UNC5D: variants seen among roughly 807,000 people sequenced by gnomAD.
The protein encoded by UNC5D is unc-5 netrin receptor D.
A neutral mutation model predicts 105.4 loss-of-function variants in UNC5D; 39 were observed. The observed-to-expected ratio is 0.37, with a 90% CI of 0.29 to 0.48. UNC5D has a LOEUF of 0.48. Among genes scored for constraint, UNC5D ranks in the 20% least tolerant of loss-of-function variants. The probability of loss-of-function intolerance (pLI) is 0.98; values close to 1 mark genes in which losing one functional copy is unlikely to be tolerated. For missense variants in UNC5D, 991 were observed against 1,202.4 expected, an observed-to-expected ratio of 0.82 and a Z score of 2.60; for synonymous variants, 452 against 450.4, an observed-to-expected ratio of 1.00 and a Z score of -0.04.
chr8:35,242,914 T>C (rs1243246738), intron 1 of UNC5D, among the ~76,000 whole-genome samples: 1 of 152,220 alleles, frequency 6.6e-6, no homozygotes, highest in Non-Finnish European at 1.5e-5. Flanking sequence ...TTAACATCTT[T>C]ATTTTAATTT....
intron 1 of UNC5D, among the ~76,000 whole-genome samples, chr8:35,442,885 T>TCTC (rs1807511188): frequency 1.5e-5 from 2 of 135,574 alleles, no homozygotes; most frequent in Non-Finnish European, 3.2e-5. Context: ...CTCTCTCTGT[T>TCTC]TCTCTCTCTC....
intron 10 of UNC5D, chr8:35,727,767 A>G (rs749560670): frequency 2.4e-4 from 37 of 152,148 alleles, no homozygotes; most frequent in Admixed American, 1.2e-3. Flanking sequence ...TATGCGTGTC[A>G]ATGTGTGAAT....
At chr8:35,463,387 T>C (rs1024228945) in intron 1 of UNC5D, among the ~76,000 whole-genome samples, 5 of 152,230 alleles carry the variant, frequency 3.3e-5, no homozygotes, top group African/African-American at 1.2e-4. Flanking sequence ...TCAAACTGGG[T>C]AGGGATTACG....
At chr8:35,618,054 T>A (rs1821137521) in intron 4 of UNC5D, among the ~76,000 whole-genome samples, 1 of 152,208 alleles carries the variant, frequency 6.6e-6, no homozygotes, top group Non-Finnish European at 1.5e-5. Context: ...AGTGTCAGGC[T>A]GACGATTCAT....
chr8:35,520,494 G>A (rs1465164388), intron 1 of UNC5D, among the ~76,000 whole-genome samples: 1 of 152,138 alleles, frequency 6.6e-6, no homozygotes, highest in Non-Finnish European at 1.5e-5. Flanking sequence ...GGTGGTAGTT[G>A]TACAGCTCTG....
At chr8:35,676,706 A>G (rs934749313) in intron 4 of UNC5D, among the ~76,000 whole-genome samples, 2 of 152,212 alleles carry the variant, frequency 1.3e-5, no homozygotes, top group Admixed American at 6.5e-5. Context: ...TCCACGAGAA[A>G]GCCATGAGAG....
chr8:35,423,159 G>T (rs138884370), intron 1 of UNC5D, among the ~76,000 whole-genome samples: 1 of 152,220 alleles, frequency 6.6e-6, no homozygotes, highest in East Asian at 1.9e-4. Context: ...TGGAGAACAG[G>T]TCTTATAGTT....
chr8:35,625,351 T>C (rs1178143246), intron 4 of UNC5D, among the ~76,000 whole-genome samples: 1 of 152,242 alleles, frequency 6.6e-6, no homozygotes, highest in Admixed American at 6.5e-5. Context: ...TAAACTCTGA[T>C]GGTTTATTTA....
intron 1 of UNC5D, among the ~76,000 whole-genome samples, chr8:35,299,220 G>A (rs1807734801): frequency 6.6e-6 from 1 of 152,216 alleles, no homozygotes; most frequent in Non-Finnish European, 1.5e-5. Context: ...TGATGGGTGG[G>A]AGTGTGGAAT....
At chr8:35,753,228 C>T (rs1018841397) in intron 13 of UNC5D, among the ~76,000 whole-genome samples, 1 of 152,114 alleles carries the variant, frequency 6.6e-6, no homozygotes, top group African/African-American at 2.4e-5. Context: ...GTTATTCTCC[C>T]TCTAATTGAA....
At chr8:35,671,798 T>C (rs1824827235) in intron 4 of UNC5D, among the ~76,000 whole-genome samples, 1 of 151,910 alleles carries the variant, frequency 6.6e-6, no homozygotes, top group Admixed American at 6.6e-5. Flanking sequence ...AAGTGTAGAG[T>C]CTTTTTGGTT....
intron 1 of UNC5D, among the ~76,000 whole-genome samples, chr8:35,389,144 C>A (rs1803613963): frequency 6.6e-6 from 1 of 152,178 alleles, no homozygotes; most frequent in Non-Finnish European, 1.5e-5. Flanking sequence ...TGTATCACAA[C>A]CACTTGTGGA....
At chr8:35,249,346 T>C (rs981924144) in intron 1 of UNC5D, among the ~76,000 whole-genome samples, 1 of 149,008 alleles carries the variant, frequency 6.7e-6, no homozygotes, top group Non-Finnish European at 1.5e-5. Flanking sequence ...TCACCTGAGG[T>C]CAAGAGTTCG....
chr8:35,299,047 C>T (rs1807720250), intron 1 of UNC5D, among the ~76,000 whole-genome samples: 1 of 152,116 alleles, frequency 6.6e-6, no homozygotes, highest in Admixed American at 6.6e-5. Context: ...TCAGATATGC[C>T]TGGTGCTGAT....
chr8:35,341,439 GT>G (rs375457184), intron 1 of UNC5D, among the ~76,000 whole-genome samples: 157 of 139,136 alleles, frequency 1.1e-3, no homozygotes, highest in Middle Eastern at 3.8e-3. Flanking sequence ...GAAGGAGCTT[GT>G]TTTTTTTTTT....
intron 7 of UNC5D, among the ~76,000 whole-genome samples, chr8:35,692,539 G>A (rs1004259146): frequency 6.6e-6 from 1 of 152,118 alleles, no homozygotes; most frequent in African/African-American, 2.4e-5. Context: ...GGATTATAAT[G>A]GATGAGTGTC....
At chr8:35,753,039 G>A (rs1230666218) in intron 13 of UNC5D, among the ~76,000 whole-genome samples, 1 of 152,152 alleles carries the variant, frequency 6.6e-6, no homozygotes, top group Admixed American at 6.5e-5. Context: ...TAAAGAGCTT[G>A]TTCTCAGTGA....
chr8:35,335,678 T>C (rs1008431993), intron 1 of UNC5D, among the ~76,000 whole-genome samples: 2 of 151,914 alleles, frequency 1.3e-5, no homozygotes, highest in Admixed American at 1.3e-4. Flanking sequence ...TAACATGAGA[T>C]GTGAATAATC....
At chr8:35,763,858 G>T (rs941826097) in intron 14 of UNC5D, among the ~76,000 whole-genome samples, 7 of 152,276 alleles carry the variant, frequency 4.6e-5, no homozygotes, top group Non-Finnish European at 8.8e-5. Flanking sequence ...GTTTCACACA[G>T]CAGGTTGATC....
Sources: allele counts gnomAD v4.1 joint callset (sites outside exome capture counted in the v4.1 genomes callset), GRCh38; gene constraint gnomAD v4.1.1; transcripts MANE v1.5; gene names NCBI Gene and HGNC (gene_info 2026-07-23, HGNC 2026-07-21).